KCNH1: variants seen among roughly 807,000 people sequenced by gnomAD.
KCNH1 encodes the protein voltage-gated delayed rectifier potassium channel KCNH1.
Under a neutral mutation model 69.2 loss-of-function variants are expected in KCNH1, and 27 were observed. That is an observed-to-expected ratio of 0.39 (90% CI 0.29 to 0.54). The LOEUF is 0.54. Among genes scored for constraint, KCNH1 ranks in the 20% least tolerant of loss-of-function variants. The probability of loss-of-function intolerance (pLI) is 0.68; values close to 1 mark genes in which losing one functional copy is unlikely to be tolerated. For synonymous variants in KCNH1, 456 were observed against 487.7 expected, an observed-to-expected ratio of 0.93 and a Z score of 0.86; for missense variants, 798 against 1,261.6, an observed-to-expected ratio of 0.63 and a Z score of 5.57.
At chr1:210,837,932 G>C (rs543674890) in intron 7 of KCNH1, among the ~76,000 whole-genome samples, 1 of 152,288 alleles carries the variant, frequency 6.6e-6, no homozygotes, top group East Asian at 1.9e-4. Context: ...ACAATTTATA[G>C]ATTCAATGCT....
At chr1:210,988,760 T>C (rs541996577) in intron 6 of KCNH1, among the ~76,000 whole-genome samples, 1 of 152,332 alleles carries the variant, frequency 6.6e-6, no homozygotes, top group African/African-American at 2.4e-5. Context: ...GCAGTGTTCA[T>C]GTTGGAGTGG....
At chr1:210,861,487 G>A (rs1685977001) in intron 7 of KCNH1, 1 of 774,824 alleles carries the variant, frequency 1.3e-6, no homozygotes, top group Admixed American at 1.7e-5. Flanking sequence ...AAATATGTAA[G>A]GCCCACTTCT....
intron 10 of KCNH1, among the ~76,000 whole-genome samples, chr1:210,694,317 CTT>C (rs891029402): frequency 6.6e-6 from 1 of 152,132 alleles, no homozygotes; most frequent in African/African-American, 2.4e-5. Context: ...CAGCTGCACA[CTT>C]ATCTCCTCTT....
chr1:210,701,105 T>G (rs1681764550), intron 10 of KCNH1, among the ~76,000 whole-genome samples: 1 of 151,898 alleles, frequency 6.6e-6, no homozygotes, highest in South Asian at 2.1e-4. Context: ...GCCTGGCTAA[T>G]TTTTTGTGTT....
At chr1:211,100,616 G>A (rs1286903856) in intron 3 of KCNH1, among the ~76,000 whole-genome samples, 1 of 152,186 alleles carries the variant, frequency 6.6e-6, no homozygotes, top group Non-Finnish European at 1.5e-5. Flanking sequence ...CTCCCAAAGT[G>A]CCGGGATTAC....
intron 10 of KCNH1, among the ~76,000 whole-genome samples, chr1:210,694,911 T>G (rs1257040860): frequency 6.6e-6 from 1 of 152,186 alleles, no homozygotes; most frequent in Non-Finnish European, 1.5e-5. Flanking sequence ...TCTTAGAAGC[T>G]GATGATCCAA....
chr1:210,974,401 T>C (rs937699997), intron 6 of KCNH1, among the ~76,000 whole-genome samples: 3 of 152,092 alleles, frequency 2.0e-5, no homozygotes, highest in African/African-American at 4.8e-5. Context: ...ATAATTCTTT[T>C]TACATGTTGC....
At chr1:210,801,747 C>A (rs1684431921) in intron 8 of KCNH1, among the ~76,000 whole-genome samples, 1 of 152,196 alleles carries the variant, frequency 6.6e-6, no homozygotes, top group Non-Finnish European at 1.5e-5. Context: ...CTGCCAGGAA[C>A]CCACAGAACC....
At chr1:210,692,006 G>GA (rs1681537759) in intron 10 of KCNH1, among the ~76,000 whole-genome samples, 1 of 152,188 alleles carries the variant, frequency 6.6e-6, no homozygotes, top group African/African-American at 2.4e-5. Context: ...CTTCATCCAG[G>GA]AAAACCCTAG....
intron 7 of KCNH1, chr1:210,860,340 A>G (rs1477528564): frequency 9.7e-6 from 14 of 1,446,696 alleles, no homozygotes; most frequent in Non-Finnish European, 1.3e-5. Flanking sequence ...ATTCTGAGAC[A>G]TGCTGTTGTA....
intron 7 of KCNH1, among the ~76,000 whole-genome samples, chr1:210,820,913 A>G (rs1180973275): frequency 1.3e-5 from 2 of 152,204 alleles, no homozygotes; most frequent in Admixed American, 1.3e-4. Flanking sequence ...GTAGGAGCAC[A>G]GCCCTGCTGA....
intron 7 of KCNH1, among the ~76,000 whole-genome samples, chr1:210,895,269 T>C (rs375325091): frequency 6.6e-6 from 1 of 152,136 alleles, no homozygotes; most frequent in South Asian, 2.1e-4. Context: ...CTCTTTCTAC[T>C]AGACTCTGAG....
intron 7 of KCNH1, among the ~76,000 whole-genome samples, chr1:210,905,044 A>G (rs1397016669): frequency 6.6e-6 from 1 of 152,172 alleles, no homozygotes. Flanking sequence ...CTCCTTAAGG[A>G]GGCAGAAGCA....
chr1:211,111,467 G>C (rs1312293210), intron 1 of KCNH1, among the ~76,000 whole-genome samples: 2 of 149,270 alleles, frequency 1.3e-5, no homozygotes, highest in African/African-American at 2.5e-5. Context: ...CCCTCTGCCC[G>C]GCCGCCCATC....
At chr1:210,942,478 T>A (rs1274734669) in intron 6 of KCNH1, among the ~76,000 whole-genome samples, 1 of 152,138 alleles carries the variant, frequency 6.6e-6, no homozygotes, top group East Asian at 1.9e-4. Context: ...CTTGCTGTCT[T>A]CCAGCTGTAA....
intron 7 of KCNH1, among the ~76,000 whole-genome samples, chr1:210,830,394 C>T (rs1328002551): frequency 6.6e-6 from 1 of 152,192 alleles, no homozygotes; most frequent in Non-Finnish European, 1.5e-5. Flanking sequence ...CTGTGTTTGC[C>T]TTGCAGGCCA....
At chr1:210,717,694 T>C (rs1682294322) in intron 10 of KCNH1, among the ~76,000 whole-genome samples, 1 of 152,220 alleles carries the variant, frequency 6.6e-6, no homozygotes, top group South Asian at 2.1e-4. Flanking sequence ...AGGCAGTGGA[T>C]GTACTCAGGA....
chr1:211,049,469 A>T (rs569838299), intron 5 of KCNH1, among the ~76,000 whole-genome samples: 1 of 152,324 alleles, frequency 6.6e-6, no homozygotes, highest in African/African-American at 2.4e-5. Context: ...TGGCTGAAAC[A>T]TAGGGGGTTT....
chr1:210,883,315 A>G (rs1686535930), intron 7 of KCNH1, among the ~76,000 whole-genome samples: 2 of 152,218 alleles, frequency 1.3e-5, no homozygotes. Flanking sequence ...AACATATGTG[A>G]GGCTAACCTA....
Sources: allele counts gnomAD v4.1 joint callset (sites outside exome capture counted in the v4.1 genomes callset), GRCh38; gene constraint gnomAD v4.1.1; transcripts MANE v1.5; gene names NCBI Gene and HGNC (gene_info 2026-07-23, HGNC 2026-07-21).